The following CSNK1G1 variants were observed in gnomAD, a reference collection of about 807,000 sequenced individuals.
The protein encoded by CSNK1G1 is casein kinase 1 gamma 1.
A neutral mutation model predicts 59.6 loss-of-function variants in CSNK1G1; 22 were observed. The observed-to-expected ratio is 0.37, with a 90% confidence interval of 0.26 to 0.53. The LOEUF is 0.53. CSNK1G1 is among the 20% of genes least tolerant of loss of function. CSNK1G1 has a pLI of 0.89. For synonymous variants in CSNK1G1, 179 were observed against 177.1 expected, an observed-to-expected ratio of 1.01 and a Z score of -0.08; for missense variants, 384 against 519.5, an observed-to-expected ratio of 0.74 and a Z score of 2.54.
intron 4 of CSNK1G1, among the ~76,000 whole-genome samples, chr15:64,221,297 G>T (rs1431995904): frequency 6.6e-6 from 1 of 152,198 alleles, no homozygotes; most frequent in Non-Finnish European, 1.5e-5. Context: ...TGAGACAACT[G>T]ATCTTGTTCT....
chr15:64,169,668 C>G lies in CSNK1G1; in HGVS notation c.*2263G>C, dbSNP rs1434572054. ...GTAAATTTTAGTGATAGGGCTGTAA[C>G]CACTAGGTAATGGCAAGGACATAAA... On this transcript the variant is annotated 3_prime_UTR_variant, in exon 12 of 12. Transcript: ENST00000303052. 6.6e-6 allele frequency: 1 copy of G among 152,200 alleles called. No individual in the cohort carries two copies. Among genetic ancestry groups the G allele is most frequent in the African/African-American group, 2.4e-5 (1 of 41,454 alleles). The allele number at this position is 152,200 out of a possible 1,614,324, so 9.4% of individuals were successfully genotyped here.
chr15:64,351,849 G>C (rs1259955160), intron 1 of CSNK1G1, among the ~76,000 whole-genome samples: 1 of 151,888 alleles, frequency 6.6e-6, no homozygotes, highest in Non-Finnish European at 1.5e-5. Context: ...CTCCAGCCTG[G>C]GTAACAGAAA....
At chr15:64,268,842 G>GA (rs769216252) in intron 2 of CSNK1G1, among the ~76,000 whole-genome samples, 5 of 152,180 alleles carry the variant, frequency 3.3e-5, no homozygotes, top group Non-Finnish European at 5.9e-5. Context: ...AAGTGGGTTG[G>GA]AAAAATGCAT....
chr15:64,337,062 T>C (rs1228021579), intron 1 of CSNK1G1, among the ~76,000 whole-genome samples: 1 of 151,898 alleles, frequency 6.6e-6, no homozygotes, highest in African/African-American at 2.4e-5. Context: ...ACCCCATCTC[T>C]ACTAAAAATA....
intron 5 of CSNK1G1, among the ~76,000 whole-genome samples, chr15:64,215,222 T>C (rs2140266402): frequency 7.1e-6 from 1 of 140,958 alleles, no homozygotes; most frequent in African/African-American, 2.6e-5. Context: ...TTTTTTTTTT[T>C]TTTTTTTTGA....
At chr15:64,179,907 G>C (rs2081789498) in intron 11 of CSNK1G1, among the ~76,000 whole-genome samples, 1 of 152,166 alleles carries the variant, frequency 6.6e-6, no homozygotes, top group Non-Finnish European at 1.5e-5. Context: ...AGAATCATTT[G>C]AGAGTGAACA....
In CSNK1G1 at chr15:64,168,102, G is replaced by A. The variant is rs1021328973; in HGVS notation, c.*3829C>T. 6.6e-6 allele frequency: 1 copy of A among 152,566 alleles called. No individual in the cohort carries two copies. Among genetic ancestry groups the A allele is most frequent in the Non-Finnish European group, 1.5e-5 (1 of 68,036 alleles). The allele number at this position is 152,566 out of a possible 1,614,324, so 9.5% of individuals were successfully genotyped here. A position where few individuals can be genotyped will look rare whatever the true frequency, so the allele number is the denominator to read the frequency against. On this transcript the variant is annotated 3_prime_UTR_variant, in exon 12 of 12. Transcript: ENST00000303052. ...CTGATGGACAGGGACTGTTTTCTAA[G>A]TACTTGGAGTTCATTTAGAAAAAAG...
intron 1 of CSNK1G1, among the ~76,000 whole-genome samples, chr15:64,332,584 T>G (rs990752630): frequency 1.4e-5 from 2 of 141,570 alleles, no homozygotes; most frequent in African/African-American, 2.6e-5. Context: ...AGATGACGAG[T>G]TAGTGGGTGC....
rs2081926241 is a variant in CSNK1G1 at position 64,188,417 on chromosome 15, T to C, written c.1108-7963A>G. The C allele has an allele frequency of 6.5e-7, 1 of 1,536,102 alleles. No homozygotes were observed. Among genetic ancestry groups the C allele is most frequent in the South Asian group, 1.2e-5 (1 of 84,066 alleles). On this transcript the variant is annotated intron_variant, in intron 10 of 11. Transcript: ENST00000303052. The surrounding 1 kb of genome is among the most constrained non-coding windows in gnomAD (Gnocchi z 4.2). ...GGCGGTCTGCAGCCAAGTGAGACGT[T>C]AGGTATGAGGTATTGGTCTGCCGGC...
intron 2 of CSNK1G1, among the ~76,000 whole-genome samples, chr15:64,274,648 T>A (rs1566929038): frequency 6.6e-6 from 1 of 152,212 alleles, no homozygotes; most frequent in Non-Finnish European, 1.5e-5. Context: ...AACTCAGCCC[T>A]TTCAAAGCAG....
At chr15:64,253,283 T>A (rs1892189450) in intron 3 of CSNK1G1, among the ~76,000 whole-genome samples, 4 of 152,110 alleles carry the variant, frequency 2.6e-5, no homozygotes, top group Admixed American at 2.0e-4. Flanking sequence ...AGATCAAGAC[T>A]GCAGGGAGCT....
chr15:64,283,450 C>G (rs568176643), intron 2 of CSNK1G1, among the ~76,000 whole-genome samples: 1 of 152,096 alleles, frequency 6.6e-6, no homozygotes, highest in South Asian at 2.1e-4. Flanking sequence ...TCATGCAATT[C>G]TCCTGCCTCA....
At chr15:64,243,277 A>C (rs1433980225) in intron 4 of CSNK1G1, among the ~76,000 whole-genome samples, 6 of 152,104 alleles carry the variant, frequency 3.9e-5, no homozygotes. Context: ...CAGAGGTTGC[A>C]GTGAGCCAAG....
At chr15:64,180,057 C>A (rs137971153) in intron 11 of CSNK1G1, 283 of 329,254 alleles carry the variant, frequency 8.6e-4, no homozygotes, top group Middle Eastern at 4.9e-3. Flanking sequence ...AGCTCCACAG[C>A]CCCAAGAAGC....
At chr15:64,315,387 T>G (rs1228840238) in intron 1 of CSNK1G1, among the ~76,000 whole-genome samples, 1 of 152,152 alleles carries the variant, frequency 6.6e-6, no homozygotes, top group Non-Finnish European at 1.5e-5. Flanking sequence ...ATTTTATAGG[T>G]CACTGATAGT....
chr15:64,195,036 T>C (rs546278065), intron 10 of CSNK1G1: 7 of 152,378 alleles, frequency 4.6e-5, no homozygotes, highest in African/African-American at 1.2e-4. Flanking sequence ...CTTTGATTCA[T>C]ATTTTCCTAG....
intron 2 of CSNK1G1, among the ~76,000 whole-genome samples, chr15:64,299,311 G>A (rs911278393): frequency 6.6e-5 from 10 of 151,876 alleles, no homozygotes; most frequent in Admixed American, 2.0e-4. Context: ...ATAAATGGCC[G>A]GGCGCGGTGG....
At chr15:64,256,613 C>G (rs986967486) in intron 3 of CSNK1G1, among the ~76,000 whole-genome samples, 1 of 151,802 alleles carries the variant, frequency 6.6e-6, no homozygotes, top group East Asian at 1.9e-4. Context: ...ATATTAGCAG[C>G]ACAGGAGATT....
chr15:64,191,859 C>A (rs1045043494), intron 10 of CSNK1G1, among the ~76,000 whole-genome samples: 1 of 152,106 alleles, frequency 6.6e-6, no homozygotes, highest in Admixed American at 6.6e-5. Flanking sequence ...ACTTTGGAAG[C>A]AAGTTTTCGG....
Sources: allele counts gnomAD v4.1 joint callset (sites outside exome capture counted in the v4.1 genomes callset), GRCh38; gene constraint gnomAD v4.1.1; non-coding constraint Gnocchi (gnomAD v3.1); transcripts MANE v1.5; gene names NCBI Gene and HGNC (gene_info 2026-07-23, HGNC 2026-07-21).